Variants in OSBPL11 observed in about 807,000 individuals in gnomAD.
The protein encoded by OSBPL11 is oxysterol-binding protein-related protein 11.
OSBPL11 carries 33 observed loss-of-function variants against 84.4 expected under a neutral mutation model. The observed-to-expected ratio is 0.39, with a 90% CI of 0.30 to 0.52. OSBPL11 has a LOEUF of 0.52. OSBPL11 is among the 20% of genes least tolerant of loss of function. The pLI is 0.72. For synonymous variants in OSBPL11, 276 were observed against 310.2 expected, an observed-to-expected ratio of 0.89 and a Z score of 1.16; for missense variants, 736 against 901.1, an observed-to-expected ratio of 0.82 and a Z score of 2.35.
rs758217701 is a variant in OSBPL11 at position 125,560,424 on chromosome 3, G to C, written c.1110C>G (p.Ile370Met). ...LGAVEEQRSV[I>M]LHLLSQLKLG... ...GCTTAAGCTGTGACAAGAGATGTAGGATGACACTACGTTGTTCTTCTACAG... is the reference window on the plus strand; with the variant it reads ...GCTTAAGCTGTGACAAGAGATGTAGCATGACACTACGTTGTTCTTCTACAG... Residue 370 changes from isoleucine (I) to methionine (M), a missense_variant, in exon 8 of 13, where the codon ATC becomes ATG. By Grantham distance (10) the Ile-to-Met change is conservative (BLOSUM62 1). This residue lies in a region of OSBPL11 where 579 missense variants were observed against 717.6 expected (regional missense o/e 0.81). Coordinates refer to ENST00000296220, the MANE Select transcript of OSBPL11 (RefSeq NM_022776.5). 3 of 1,601,204 alleles carry C rather than the reference G, an allele frequency of 1.9e-6. No homozygotes were observed. In the African/African-American group the frequency reaches 4.0e-5, roughly 21 times the overall value.
intron 12 of OSBPL11, among the ~76,000 whole-genome samples, chr3:125,531,300 T>C (rs1447761799): frequency 7.7e-6 from 1 of 129,804 alleles, no homozygotes; most frequent in Non-Finnish European, 1.8e-5. Flanking sequence ...TTTCTTTTTT[T>C]TTTTTTTGGA....
chr3:125,584,879 T>A (rs990889120), intron 1 of OSBPL11, among the ~76,000 whole-genome samples: 8 of 152,184 alleles, frequency 5.3e-5, no homozygotes, highest in African/African-American at 1.9e-4. Flanking sequence ...ACAGCTCAAG[T>A]GACCCTCCTA....
At chr3:125,552,107 T>C (rs1374675529) in intron 9 of OSBPL11, 74 bp downstream of exon 9, 2 of 901,544 alleles carry the variant, frequency 2.2e-6, no homozygotes, top group African/African-American at 3.5e-5. Flanking sequence ...TCATTCCTGC[T>C]TGGAAAAAAA....
At chr3:125,570,115 A>G (rs1936221242) in intron 5 of OSBPL11, among the ~76,000 whole-genome samples, 1 of 152,208 alleles carries the variant, frequency 6.6e-6, no homozygotes, top group South Asian at 2.1e-4. Flanking sequence ...AAAACACTTG[A>G]AAGAGAAAAT....
intron 2 of OSBPL11, among the ~76,000 whole-genome samples, chr3:125,582,599 C>T (rs549462319): frequency 6.6e-6 from 1 of 152,312 alleles, no homozygotes; most frequent in South Asian, 2.1e-4. Flanking sequence ...TGTTTGCTGT[C>T]TCCAAACCCC....
rs145938734 is a variant in OSBPL11 at position 125,594,641 on chromosome 3, A to G, written c.160T>C (p.Tyr54His). ...SRGGSAKGWQYSDHMENVYGY... is the reference protein window; with the variant it reads ...SRGGSAKGWQHSDHMENVYGY... ...ATTTTGGAGAAAGGAGCATACCTGTACTGCCAGCCTTTTGCACTGCCACCG... is the reference window on the plus strand; with the variant it reads ...ATTTTGGAGAAAGGAGCATACCTGTGCTGCCAGCCTTTTGCACTGCCACCG... The change falls in exon 1 of 13, where the codon TAC becomes CAC. Residue 54 changes from tyrosine (Y) to histidine (H), a missense_variant. Tyr to His is a moderately conservative substitution (Grantham distance 83). Around this residue, in one of 3 missense-constraint regions of OSBPL11, gnomAD observed 114 missense variants for 104.9 expected, o/e 1.09. Transcript: ENST00000296220. The G allele has an allele frequency of 1.2e-5, 20 of 1,613,134 alleles. No individual in the cohort carries two copies. The highest frequency in any genetic ancestry group is 1.7e-5 in the Non-Finnish European group (20 of 1,179,964).
chr3:125,583,756 G>T (rs542730083), intron 1 of OSBPL11, among the ~76,000 whole-genome samples: 2 of 152,016 alleles, frequency 1.3e-5, no homozygotes, highest in Admixed American at 6.6e-5. Flanking sequence ...AAATAAATAA[G>T]AATAATAAAT....
intron 11 of OSBPL11, among the ~76,000 whole-genome samples, chr3:125,536,391 T>G (rs914426353): frequency 6.6e-6 from 1 of 152,188 alleles, no homozygotes; most frequent in African/African-American, 2.4e-5. Context: ...TATCATGCAT[T>G]AGTCATTTGA....
intron 1 of OSBPL11, among the ~76,000 whole-genome samples, chr3:125,585,723 C>T (rs1005372474): frequency 1.3e-5 from 2 of 152,144 alleles, no homozygotes; most frequent in South Asian, 4.1e-4. Context: ...CAGCTGGTTG[C>T]AATGTCCCTC....
chr3:125,544,880 T>C (rs765849156), intron 10 of OSBPL11, among the ~76,000 whole-genome samples: 2 of 152,242 alleles, frequency 1.3e-5, no homozygotes, highest in Non-Finnish European at 2.9e-5. Flanking sequence ...GCCCTTAAGA[T>C]AGTTAGCAAA....
chr3:125,594,533 C>T (rs1428440110), intron 1 of OSBPL11, 104 bp downstream of exon 1: 12 of 1,338,584 alleles, frequency 9.0e-6, no homozygotes, highest in Non-Finnish European at 1.2e-5. Flanking sequence ...CTTCTGGAAG[C>T]CAGTGAAAAA....
intron 3 of OSBPL11, 113 bp downstream of exon 3, chr3:125,579,752 C>T (rs1208027971): frequency 1.1e-6 from 1 of 902,612 alleles, no homozygotes; most frequent in Non-Finnish European, 1.8e-6. Context: ...ATTGTATTTA[C>T]ATCACTGATG....
chr3:125,537,101 A>G (rs376526054), intron 11 of OSBPL11, among the ~76,000 whole-genome samples: 120 of 146,084 alleles, frequency 8.2e-4, no homozygotes, highest in African/African-American at 2.9e-3. Flanking sequence ...TGGAAGTTGC[A>G]GGGAGCCGAG....
At chr3:125,588,587 C>A (rs1403154673) in intron 1 of OSBPL11, among the ~76,000 whole-genome samples, 2 of 152,188 alleles carry the variant, frequency 1.3e-5, no homozygotes, top group Non-Finnish European at 2.9e-5. Context: ...CCAGGCAAGT[C>A]ACATGTCAAA....
At chr3:125,550,552 G>A (rs1225168463) in intron 9 of OSBPL11, among the ~76,000 whole-genome samples, 6 of 152,036 alleles carry the variant, frequency 3.9e-5, no homozygotes, top group Non-Finnish European at 5.9e-5. Context: ...TCTTCATAAC[G>A]ACTATAACAC....
intron 11 of OSBPL11, among the ~76,000 whole-genome samples, chr3:125,534,140 G>A (rs575279056): frequency 6.6e-6 from 1 of 152,224 alleles, no homozygotes; most frequent in South Asian, 2.1e-4. Context: ...TAGCACTTTG[G>A]GAGGCCGACG....
At chr3:125,569,659 A>G (rs1445091752) in intron 5 of OSBPL11, among the ~76,000 whole-genome samples, 2 of 152,238 alleles carry the variant, frequency 1.3e-5, no homozygotes, top group Non-Finnish European at 1.5e-5. Context: ...ATATACATGC[A>G]TATGTTCAGC....
At chr3:125,542,333 T>C in intron 10 of OSBPL11, among the ~76,000 whole-genome samples, 1 of 83,428 alleles carries the variant, frequency 1.2e-5, no homozygotes, top group South Asian at 3.7e-4. Context: ...TTTTCTTTTC[T>C]TTCTTTTTTT....
At chr3:125,578,815 T>C (rs982448563) in intron 4 of OSBPL11, 145 bp downstream of exon 4, 8 of 417,914 alleles carry the variant, frequency 1.9e-5, no homozygotes, top group East Asian at 3.8e-5. Flanking sequence ...CTTGTGAATA[T>C]ACTAAAAACC....
Sources: allele counts gnomAD v4.1 joint callset (sites outside exome capture counted in the v4.1 genomes callset), GRCh38; gene constraint gnomAD v4.1.1; regional missense constraint gnomAD v4.1.1; transcripts MANE v1.5; gene names NCBI Gene and HGNC (gene_info 2026-07-23, HGNC 2026-07-21).